Variants in CXCL17 observed in about 807,000 individuals in gnomAD.
CXCL17 encodes C-X-C motif chemokine ligand 17, also known as C-X-C motif chemokine 17.
CXCL17 carries 9 observed loss-of-function variants against 15.5 expected under a neutral mutation model. The observed-to-expected ratio is 0.58, with a 90% CI of 0.35 to 1.01. The LOEUF is 1.01. Among genes scored for constraint, CXCL17 ranks in the 50% least tolerant of loss-of-function variants. The pLI, the probability that CXCL17 is intolerant of heterozygous loss-of-function variation, is 0.02. For synonymous variants in CXCL17, 52 were observed against 52.3 expected (o/e 0.99, Z 0.02); for missense variants, 133 against 138.2 (o/e 0.96, Z 0.19).
intron 1 of CXCL17, 68 bp downstream of exon 1, chr19:42,442,686 G>A (rs1395659945): frequency 3.6e-6 from 4 of 1,106,310 alleles, no homozygotes; most frequent in Non-Finnish European, 5.5e-6. Context: ...GCTGCATTTT[G>A]ATGTGTCTGT....
chr19:42,430,870 C>T (rs1019010266), intron 3 of CXCL17, among the ~76,000 whole-genome samples: 10 of 152,028 alleles, frequency 6.6e-5, no homozygotes, highest in Non-Finnish European at 1.5e-4. Flanking sequence ...TGGAGTCTCA[C>T]TCTGTTGTCC....
rs1487650661 is a variant in CXCL17, at chr19:42,438,174, C to T, written c.80-4318G>A. On this transcript the variant is annotated intron_variant, in intron 1 of 3. Coordinates refer to ENST00000601181, the MANE Select transcript of CXCL17 (RefSeq NM_198477.3). ...GAGATTGAGACCATCCTGGCTAACA[C>T]GGTGAAACCCCATCTCTACTAAAAA... 4.0e-5 allele frequency among the ~76,000 whole-genome samples: 6 copies of T among 150,584 alleles called. 1 individual carries two copies. Among genetic ancestry groups the T allele is most frequent in the South Asian group, 4.2e-4 (2 of 4,768 alleles).
rs765594949 is a variant in CXCL17, at chr19:42,428,932, C to G, written c.312G>C (p.Gln104His). ...TTAGCTGACATTGTTTGAGAAATTG[C>G]TGGCAGGCTCTGGAATGCTTGTTTG... ...RKPNKHSRAC[Q>H]QFLKQCQLRS... is the part of the protein sequence containing the mutation. Residue 104 changes from glutamine to histidine, a missense_variant, in exon 4 of 4, where the codon CAG becomes CAC. Gln to His is a conservative substitution (Grantham distance 24). Coordinates refer to ENST00000601181, the MANE Select transcript of CXCL17 (RefSeq NM_198477.3). 2 of 1,614,150 alleles carry G rather than the reference C, an allele frequency of 1.2e-6. No homozygotes were observed. Among genetic ancestry groups the G allele is most frequent in the Non-Finnish European group, 1.7e-6 (2 of 1,180,006 alleles).
At position 42,442,866 on chromosome 19, in the gene CXCL17, G is replaced by A; in HGVS notation, c.-34C>T. On this transcript the variant is annotated 5_prime_UTR_variant, in exon 1 of 4. Coordinates refer to ENST00000601181, the MANE Select transcript of CXCL17 (RefSeq NM_198477.3). ...TCGGTGCAGCTGTAAGTTGCTTGAAGAATATAATGGAAGGTTCCCTGCTGG... is the reference window on the plus strand; with the variant it reads ...TCGGTGCAGCTGTAAGTTGCTTGAAAAATATAATGGAAGGTTCCCTGCTGG... 6.5e-7 allele frequency: 1 copy of A among 1,543,444 alleles called. No homozygotes were observed. The highest frequency in any genetic ancestry group is 1.1e-5 in the South Asian group (1 of 89,046).
chr19:42,433,844 C>T lies in CXCL17; in HGVS notation c.92G>A (p.Gly31Asp), dbSNP rs747932733. Residue 31 changes from glycine (G) to aspartate (D), a missense_variant, in exon 2 of 4, where the codon GGC becomes GAC. Transcript: ENST00000601181. ...SSSLNPGVAR[G>D]HRDRGQASRR... ...AGAAGCCTGGCCTCGGTCCCTGTGG[C>T]CTCTGGCGACCCCTGTCGGAAGGAA... is the stretch of plus-strand genomic sequence containing the variant. 2.5e-6 allele frequency: 4 copies of T among 1,613,930 alleles called. No homozygotes were observed. The highest frequency in any genetic ancestry group is 3.4e-6 in the Non-Finnish European group (4 of 1,179,960).
intron 1 of CXCL17, among the ~76,000 whole-genome samples, chr19:42,442,364 G>A (rs1251969393): frequency 6.6e-6 from 1 of 151,240 alleles, no homozygotes; most frequent in Admixed American, 6.6e-5. Context: ...CTCCTGAGTA[G>A]CTGGGACTAC....
At chr19:42,433,552 G>A (rs1487806495) in intron 2 of CXCL17, among the ~76,000 whole-genome samples, 1 of 152,230 alleles carries the variant, frequency 6.6e-6, no homozygotes, top group Non-Finnish European at 1.5e-5. Context: ...AAGGGGCAGG[G>A]CGCAGCCTGA....
At chr19:42,430,702 T>C (rs1298681638) in intron 3 of CXCL17, among the ~76,000 whole-genome samples, 1 of 152,202 alleles carries the variant, frequency 6.6e-6, no homozygotes, top group South Asian at 2.1e-4. Flanking sequence ...TCTTGACTTT[T>C]ATAGTAATTA....
intron 2 of CXCL17, among the ~76,000 whole-genome samples, chr19:42,433,394 T>TC (rs2040802716): frequency 6.6e-6 from 1 of 152,212 alleles, no homozygotes. Context: ...GTGGCTACTT[T>TC]CCCTTGGGGA....
chr19:42,440,733 G>C (rs1459599119), intron 1 of CXCL17, among the ~76,000 whole-genome samples: 4 of 152,208 alleles, frequency 2.6e-5, no homozygotes, highest in Non-Finnish European at 4.4e-5. Context: ...GTGTGTGGCA[G>C]AGCCAGGATC....
In CXCL17 at chr19:42,442,890, G is replaced by A; in HGVS notation, c.-58C>T. 1 of 1,339,200 alleles carries A rather than the reference G, an allele frequency of 7.5e-7. No individual in the cohort carries two copies. The highest frequency in any genetic ancestry group is 1.1e-6 in the Non-Finnish European group (1 of 941,226). The allele number at this position is 1,339,200 out of a possible 1,614,324, so 83.0% of individuals were successfully genotyped here. A position where few individuals can be genotyped will look rare whatever the true frequency, so the allele number is the denominator to read the frequency against. ...AGAATATAATGGAAGGTTCCCTGCT[G>A]GAGGCTCCTGATCCCTGGGGATGAC... On this transcript the variant is annotated 5_prime_UTR_variant, in exon 1 of 4. Transcript: ENST00000601181.
At chr19:42,442,717 TCC>T (rs66616932) in intron 1 of CXCL17, 35 bp downstream of exon 1, 1 of 1,475,716 alleles carries the variant, frequency 6.8e-7, no homozygotes, top group Non-Finnish European at 9.4e-7. Context: ...GCCACATTTC[TCC>T]CCCCGTTTTC....
intron 1 of CXCL17, among the ~76,000 whole-genome samples, chr19:42,441,158 G>A (rs981726084): frequency 5.9e-5 from 9 of 152,174 alleles, no homozygotes; most frequent in African/African-American, 2.2e-4. Flanking sequence ...ACCAGTCTGT[G>A]TCACCAAGTA....
rs1424725205 is a variant in CXCL17, at chr19:42,433,775, C to T, written c.160+1G>A. 1 of 1,613,512 alleles carries T rather than the reference C, an allele frequency of 6.2e-7. No homozygotes were observed. Among genetic ancestry groups the T allele is most frequent in the Non-Finnish European group, 8.5e-7 (1 of 1,179,678 alleles). On this transcript the variant is annotated splice_donor_variant, in intron 2 of 3. Transcript: ENST00000601181. LOFTEE classifies it high-confidence loss of function. ...GCTGTTGTTGTTGCTGAATTACTGACCTTTGCACTCACATTCTTGGCCGCC... is the reference window on the plus strand; with the variant it reads ...GCTGTTGTTGTTGCTGAATTACTGATCTTTGCACTCACATTCTTGGCCGCC...
chr19:42,432,998 GA>G lies in CXCL17; in HGVS notation c.239del (p.Phe80SerfsTer5). 1 of 1,613,936 alleles carries G rather than the reference GA, an allele frequency of 6.2e-7. No individual in the cohort carries two copies. The highest frequency in any genetic ancestry group is 8.5e-7 in the Non-Finnish European group (1 of 1,179,856). The part of the protein sequence containing the change: ...LPKKQCPCDH[F>X]KGNVKKTRHQ... Reference sequence around the variant, plus strand: ...TACTTGTTTTCTTCACATTGCCCTTGAAATGATCACAGGGGCACTGCTTCTT... The same window carrying G: ...TACTTGTTTTCTTCACATTGCCCTTGAATGATCACAGGGGCACTGCTTCTT... On this transcript the variant is annotated frameshift_variant, in exon 3 of 4. Coordinates refer to ENST00000601181, the MANE Select transcript of CXCL17 (RefSeq NM_198477.3). LOFTEE classifies it high-confidence loss of function.
chr19:42,433,819 A>G lies in CXCL17; in HGVS notation c.117T>C (p.Ser39=), dbSNP rs545020215. The G allele has an allele frequency of 8.9e-5, 144 of 1,614,046 alleles. No individual in the cohort carries two copies. The South Asian group carries it at 1.4e-3, about 16-fold the overall frequency. ...GGCCGCCTTCCTGGAGCCATCTCCT[A>G]GAAGCCTGGCCTCGGTCCCTGTGGC... ...ARGHRDRGQA[S]RRWLQEGGQE... Residue 39 remains serine (S), a synonymous_variant, in exon 2 of 4, where the codon TCT becomes TCC. Transcript: ENST00000601181.
chr19:42,433,044 A>T lies in CXCL17; in HGVS notation c.194T>A (p.Met65Lys). 3 of 1,614,048 alleles carry T rather than the reference A, an allele frequency of 1.9e-6. No homozygotes were observed. Among genetic ancestry groups the T allele is most frequent in the Non-Finnish European group, 2.5e-6 (3 of 1,179,976 alleles). The change falls in exon 3 of 4, where the codon ATG becomes AAG. Residue 65 changes from methionine (M) to lysine (K), a missense_variant. By Grantham distance (95) the Met-to-Lys change is moderately conservative (BLOSUM62 -1). Coordinates refer to ENST00000601181, the MANE Select transcript of CXCL17 (RefSeq NM_198477.3). ...WFLRAPRRKF[M>K]TVSGLPKKQC... ...CTTCTTTGGCAGCCCAGACACTGTCATGAATTTTCTTCTCGGGGCTCTCAG... is the reference window on the plus strand; with the variant it reads ...CTTCTTTGGCAGCCCAGACACTGTCTTGAATTTTCTTCTCGGGGCTCTCAG...
chr19:42,429,208 G>A (rs887067687), intron 3 of CXCL17, among the ~76,000 whole-genome samples: 14 of 151,956 alleles, frequency 9.2e-5, no homozygotes, highest in Non-Finnish European at 1.9e-4. Flanking sequence ...TTGTATTTTA[G>A]TAGAGACAGG....
At chr19:42,438,402 AT>A (rs1446135076) in intron 1 of CXCL17, among the ~76,000 whole-genome samples, 47 of 112,792 alleles carry the variant, frequency 4.2e-4, no homozygotes, top group African/African-American at 1.6e-3. Flanking sequence ...ATATATATAT[AT>A]ATAAAATACA....
Sources: allele counts gnomAD v4.1 joint callset (sites outside exome capture counted in the v4.1 genomes callset), GRCh38; gene constraint gnomAD v4.1.1; transcripts MANE v1.5; gene names NCBI Gene and HGNC (gene_info 2026-07-23, HGNC 2026-07-21).